RTF1: variants seen among roughly 807,000 people sequenced by gnomAD.
RTF1 encodes the protein RNA polymerase-associated protein RTF1 homolog.
A neutral mutation model predicts 95.7 loss-of-function variants in RTF1; 10 were observed. The ratio of observed to expected loss-of-function variants is 0.10; its 90% CI spans 0.06 to 0.18. RTF1 has a LOEUF of 0.18. Among genes scored for constraint, RTF1 ranks in the 10% least tolerant of loss-of-function variants. RTF1 has a pLI of 1.00. For missense variants in RTF1, 458 were observed against 875.6 expected, an observed-to-expected ratio of 0.52 and a Z score of 6.02; for synonymous variants, 305 against 311.8, an observed-to-expected ratio of 0.98 and a Z score of 0.23.
intron 2 of RTF1, among the ~76,000 whole-genome samples, chr15:41,445,653 A>C (rs1280240892): frequency 6.6e-6 from 1 of 152,196 alleles, no homozygotes; most frequent in Non-Finnish European, 1.5e-5. Context: ...TCATGTCTTC[A>C]GGCTGACATT....
In RTF1 at chr15:41,482,578, AT is replaced by A. The variant is rs1479352240; in HGVS notation, c.*1893del. The A allele has an allele frequency of 2.0e-5, 3 of 152,626 alleles. No homozygotes were observed. Among genetic ancestry groups the A allele is most frequent in the Non-Finnish European group, 4.4e-5 (3 of 68,050 alleles). The allele number at this position is 152,626 out of a possible 1,614,324, so 9.5% of individuals were successfully genotyped here. A position where few individuals can be genotyped will look rare whatever the true frequency, so the allele number is the denominator to read the frequency against. Reference sequence around the variant, plus strand: ...CAGCAATGGATGGTTTTAAAGGAGTATTATGATTGTAAAATTGCTAAATATG... The same window carrying A: ...CAGCAATGGATGGTTTTAAAGGAGTATATGATTGTAAAATTGCTAAATATG... On this transcript the variant is annotated 3_prime_UTR_variant, in exon 18 of 18. Coordinates refer to ENST00000389629, the MANE Select transcript of RTF1 (RefSeq NM_015138.5).
rs1297330866 is a variant in RTF1, at chr15:41,480,341, G to A, written c.2026+16G>A. 6.4e-7 allele frequency: 1 copy of A among 1,553,670 alleles called. No individual in the cohort carries two copies. Among genetic ancestry groups the A allele is most frequent in the Admixed American group, 1.7e-5 (1 of 59,942 alleles). On this transcript the variant is annotated intron_variant, in intron 17 of 17. Coordinates refer to ENST00000389629, the MANE Select transcript of RTF1 (RefSeq NM_015138.5). ...CCCAGCTCAGGTATGTGAGGGTGGG[G>A]CGGGTGGTGAGGGCTGAGAACCAGA...
Position 41,417,224 on chromosome 15 carries a change from C to T in RTF1, c.109C>T (p.Arg37Trp). ...TCCGGGCGGCGGCCGGCGTGGGAGC[C>T]GGGGGACCACCATGGTAAAGAAGCG... ...GSPGGGRRGS[R>W]GTTMVKKRKG... The change falls in exon 1 of 18, where the codon CGG (arginine) becomes TGG (tryptophan). Residue 37 changes from arginine (R) to tryptophan (W), a missense_variant. Arg to Trp is a moderately radical substitution (Grantham distance 101). Transcript: ENST00000389629. The T allele has an allele frequency of 2.4e-6, 3 of 1,259,716 alleles. No homozygotes were observed. The highest frequency in any genetic ancestry group is 3.7e-5 in the South Asian group (1 of 27,126). 78.0% of individuals were successfully genotyped at this position (1,259,716 alleles called of 1,614,324 possible). A position where few individuals can be genotyped will look rare whatever the true frequency, so the allele number is the denominator to read the frequency against.
intron 1 of RTF1, among the ~76,000 whole-genome samples, chr15:41,423,620 C>T (rs547377169): frequency 9.9e-5 from 15 of 152,154 alleles, no homozygotes; most frequent in African/African-American, 2.2e-4. Context: ...CCACCCACCT[C>T]GGCCTCCCAA....
At chr15:41,430,664 C>G (rs1008893627) in intron 1 of RTF1, among the ~76,000 whole-genome samples, 3 of 151,452 alleles carry the variant, frequency 2.0e-5, no homozygotes, top group Non-Finnish European at 4.4e-5. Context: ...TCGCTTGAAC[C>G]TGGGAGGCAA....
chr15:41,476,637 G>C, intron 12 of RTF1, 114 bp downstream of exon 12: 1 of 936,290 alleles, frequency 1.1e-6, no homozygotes, highest in Non-Finnish European at 1.7e-6. Context: ...TTCTGGGCTC[G>C]ATTATAAGCA....
intron 16 of RTF1, among the ~76,000 whole-genome samples, chr15:41,479,818 G>A (rs74502601): frequency 0.051 from 7,613 of 149,536 alleles, 242 homozygotes; most frequent in East Asian, 0.17. Flanking sequence ...AGCCAAGATT[G>A]CACCGTTGTA....
intron 2 of RTF1, among the ~76,000 whole-genome samples, chr15:41,442,411 C>T (rs926136727): frequency 3.3e-5 from 5 of 151,894 alleles, no homozygotes; most frequent in African/African-American, 1.2e-4. Flanking sequence ...TCATGATCCG[C>T]CGGCCTCATC....
At chr15:41,438,851 ACT>A (rs2050718161) in intron 2 of RTF1, among the ~76,000 whole-genome samples, 1 of 150,156 alleles carries the variant, frequency 6.7e-6, no homozygotes, top group Non-Finnish European at 1.5e-5. Flanking sequence ...ACAAAGCAAG[ACT>A]CTGTCTCAAA....
At chr15:41,431,054 C>T (rs1240902401) in intron 1 of RTF1, among the ~76,000 whole-genome samples, 3 of 151,644 alleles carry the variant, frequency 2.0e-5, no homozygotes, top group African/African-American at 7.3e-5. Context: ...CAGGCGCCTG[C>T]CACCATGCCC....
At chr15:41,461,945 G>A (rs1384720027) in intron 4 of RTF1, among the ~76,000 whole-genome samples, 1 of 149,956 alleles carries the variant, frequency 6.7e-6, no homozygotes, top group African/African-American at 2.5e-5. Context: ...TTAGAGAGGG[G>A]GGGTTTGCCA....
At chr15:41,460,879 CTTTTTTTTTT>C (rs765169928) in intron 4 of RTF1, among the ~76,000 whole-genome samples, 1 of 135,394 alleles carries the variant, frequency 7.4e-6, no homozygotes, top group African/African-American at 2.7e-5. Flanking sequence ...TCTTTTTTTT[CTTTTTTTTTT>C]TTTTTGAGAT....
intron 2 of RTF1, among the ~76,000 whole-genome samples, chr15:41,440,800 T>C (rs1463223012): frequency 6.6e-6 from 1 of 151,908 alleles, no homozygotes; most frequent in African/African-American, 2.4e-5. Flanking sequence ...AAGTTTATTC[T>C]TTTGTTTATT....
Position 41,476,313 on chromosome 15 carries a change from C to T in RTF1, c.1483-133C>T, listed in dbSNP as rs2050941666. 1.7e-5 allele frequency: 12 copies of T among 699,754 alleles called. 1 individual carries two copies. In the Middle Eastern group the frequency reaches 1.5e-3, roughly 89 times the overall value. 43.3% of individuals were successfully genotyped at this position (699,754 alleles called of 1,614,324 possible). On this transcript the variant is annotated intron_variant, in intron 11 of 17. Coordinates refer to ENST00000389629, the MANE Select transcript of RTF1 (RefSeq NM_015138.5). Reference sequence around the variant, plus strand: ...TGGAATGAACCCGCTCTCTCTCTCTCTGGGGCATGACACTGCTGTAGGAAG... The same window carrying T: ...TGGAATGAACCCGCTCTCTCTCTCTTTGGGGCATGACACTGCTGTAGGAAG...
At chr15:41,438,180 C>A in intron 1 of RTF1, 141 bp from the exon 2 acceptor site, 1 of 495,236 alleles carries the variant, frequency 2.0e-6, no homozygotes, top group Non-Finnish European at 3.6e-6. Flanking sequence ...TCTGTTCATG[C>A]TGATAGAAGT....
chr15:41,464,013 A>G (rs1237885697), intron 4 of RTF1, among the ~76,000 whole-genome samples: 1 of 151,664 alleles, frequency 6.6e-6, no homozygotes, highest in Non-Finnish European at 1.5e-5. Context: ...CACCATGCCC[A>G]GCTAATTTTT....
intron 8 of RTF1, 95 bp downstream of exon 8, chr15:41,471,444 C>T: frequency 7.8e-7 from 1 of 1,276,972 alleles, no homozygotes; most frequent in Non-Finnish European, 1.1e-6. Flanking sequence ...TCACTCTTCT[C>T]TCAGCATTTG....
chr15:41,450,578 C>T (rs746405338), intron 2 of RTF1, among the ~76,000 whole-genome samples: 100 of 149,026 alleles, frequency 6.7e-4, no homozygotes, highest in Non-Finnish European at 1.3e-3. Flanking sequence ...GAGTGAGACT[C>T]CGTCTCAAAA....
intron 4 of RTF1, among the ~76,000 whole-genome samples, chr15:41,463,527 G>GC (rs2140963530): frequency 6.6e-6 from 1 of 152,100 alleles, no homozygotes; most frequent in South Asian, 2.1e-4. Flanking sequence ...GCCCAGGCTA[G>GC]CTAGAGTTCA....
Sources: allele counts gnomAD v4.1 joint callset (sites outside exome capture counted in the v4.1 genomes callset), GRCh38; gene constraint gnomAD v4.1.1; transcripts MANE v1.5; gene names NCBI Gene and HGNC (gene_info 2026-07-23, HGNC 2026-07-21).